Variants in CDYL2 observed in about 807,000 individuals in gnomAD.
CDYL2 encodes the protein chromodomain Y like 2.
In CDYL2, 23 loss-of-function variants were observed where a neutral mutation model predicts 49.4. The ratio of observed to expected loss-of-function variants is 0.47; its 90% CI spans 0.34 to 0.66. The LOEUF (loss-of-function observed/expected upper bound fraction) is 0.66, where lower values mean the gene tolerates loss of function less well. CDYL2 is among the 30% of genes least tolerant of loss of function. The pLI, the probability that CDYL2 is intolerant of heterozygous loss-of-function variation, is 0.01. For missense variants in CDYL2, 678 were observed against 656.4 expected, an observed-to-expected ratio of 1.03 and a Z score of -0.36; for synonymous variants, 360 against 268.8, an observed-to-expected ratio of 1.34 and a Z score of -3.32.
chr16:80,680,168 A>G (rs1156457390), intron 2 of CDYL2, among the ~76,000 whole-genome samples: 1 of 152,234 alleles, frequency 6.6e-6, no homozygotes, highest in Non-Finnish European at 1.5e-5. Flanking sequence ...CAATGGAGAG[A>G]AAATGGCAAA....
intron 1 of CDYL2, among the ~76,000 whole-genome samples, chr16:80,740,317 C>T (rs148914097): frequency 4.8e-4 from 73 of 152,188 alleles, no homozygotes; most frequent in African/African-American, 1.5e-3. Flanking sequence ...TTCACTTCTA[C>T]GGTGGAGGAG....
At chr16:80,741,363 C>A (rs1002014582) in intron 1 of CDYL2, among the ~76,000 whole-genome samples, 2 of 151,516 alleles carry the variant, frequency 1.3e-5, no homozygotes, top group Non-Finnish European at 2.9e-5. Flanking sequence ...AAAATGCACA[C>A]ACACACTTGT....
intron 2 of CDYL2, among the ~76,000 whole-genome samples, chr16:80,665,297 T>G (rs1909214058): frequency 6.6e-6 from 1 of 152,062 alleles, no homozygotes; most frequent in African/African-American, 2.4e-5. Flanking sequence ...CACGTTCATG[T>G]AGGGCACTGC....
At chr16:80,625,788 G>A (rs1305825446) in intron 3 of CDYL2, among the ~76,000 whole-genome samples, 1 of 152,154 alleles carries the variant, frequency 6.6e-6, no homozygotes, top group Non-Finnish European at 1.5e-5. Flanking sequence ...AATTCCAGAA[G>A]GTAGCAGAAT....
chr16:80,619,531 G>A (rs916889481), intron 4 of CDYL2, among the ~76,000 whole-genome samples: 3 of 152,166 alleles, frequency 2.0e-5, no homozygotes, highest in African/African-American at 7.2e-5. Flanking sequence ...CTCTGGATGG[G>A]CTCTGGTGGC....
chr16:80,781,413 G>A (rs1020510086), intron 1 of CDYL2, among the ~76,000 whole-genome samples: 2 of 152,026 alleles, frequency 1.3e-5, no homozygotes, highest in Admixed American at 6.6e-5. Flanking sequence ...AAAATAGGAG[G>A]GAGAGACAGA....
chr16:80,677,567 C>T (rs1229851948), intron 2 of CDYL2, among the ~76,000 whole-genome samples: 2 of 151,614 alleles, frequency 1.3e-5, no homozygotes, highest in African/African-American at 4.8e-5. Flanking sequence ...GAAACCCCGT[C>T]TCTAATAAAA....
At chr16:80,797,255 C>T (rs1907793612) in intron 1 of CDYL2, among the ~76,000 whole-genome samples, 1 of 152,216 alleles carries the variant, frequency 6.6e-6, no homozygotes, top group African/African-American at 2.4e-5. Context: ...ACTCCAAACT[C>T]ACTGTCCTTT....
chr16:80,669,355 T>C (rs548516647), intron 2 of CDYL2, among the ~76,000 whole-genome samples: 8 of 152,064 alleles, frequency 5.3e-5, no homozygotes, highest in African/African-American at 1.7e-4. Context: ...CCACGGACCA[T>C]GGAAAGTGGC....
intron 5 of CDYL2, among the ~76,000 whole-genome samples, chr16:80,611,974 G>T (rs1222513952): frequency 6.6e-6 from 1 of 152,246 alleles, no homozygotes; most frequent in Non-Finnish European, 1.5e-5. Context: ...CTGTAAGATG[G>T]AAATCGCAAT....
chr16:80,779,294 G>T (rs1255124564), intron 1 of CDYL2, among the ~76,000 whole-genome samples: 1 of 151,934 alleles, frequency 6.6e-6, no homozygotes, highest in East Asian at 1.9e-4. Context: ...CCCATTAATG[G>T]TTTTAAAAAT....
intron 1 of CDYL2, among the ~76,000 whole-genome samples, chr16:80,802,248 C>G (rs953445816): frequency 2.2e-4 from 34 of 152,288 alleles, no homozygotes; most frequent in African/African-American, 6.7e-4. Context: ...CTAGTACATC[C>G]TCTTAACACC....
At chr16:80,768,687 T>C (rs1478643506) in intron 1 of CDYL2, among the ~76,000 whole-genome samples, 3 of 152,176 alleles carry the variant, frequency 2.0e-5, no homozygotes, top group Admixed American at 2.0e-4. Context: ...GAGACATAAC[T>C]TCCTGGATGA....
At chr16:80,713,889 G>A (rs531224447) in intron 1 of CDYL2, among the ~76,000 whole-genome samples, 1 of 152,222 alleles carries the variant, frequency 6.6e-6, no homozygotes, top group South Asian at 2.1e-4. Context: ...TGTGCCAACC[G>A]ACAACATAGC....
chr16:80,639,582 C>A, intron 2 of CDYL2: 1 of 430,514 alleles, frequency 2.3e-6, no homozygotes, highest in Non-Finnish European at 4.6e-6. Flanking sequence ...GGATTGTACC[C>A]TCCCCCCTGC....
chr16:80,629,888 C>T (rs1233168273), intron 3 of CDYL2, among the ~76,000 whole-genome samples: 2 of 152,218 alleles, frequency 1.3e-5, no homozygotes, highest in Non-Finnish European at 2.9e-5. Flanking sequence ...ACATTTATTA[C>T]ATACCTCCTA....
At chr16:80,691,674 C>G (rs1322425926) in intron 1 of CDYL2, among the ~76,000 whole-genome samples, 2 of 152,140 alleles carry the variant, frequency 1.3e-5, no homozygotes, top group African/African-American at 4.8e-5. Context: ...CTAAAATGTT[C>G]CCAGTACAAT....
chr16:80,751,289 G>A (rs995613296), intron 1 of CDYL2, among the ~76,000 whole-genome samples: 1 of 152,216 alleles, frequency 6.6e-6, no homozygotes, highest in African/African-American at 2.4e-5. Context: ...AGACATTCAA[G>A]AGCTGCCTTG....
intron 6 of CDYL2, 77 bp from the exon 7 acceptor site, chr16:80,604,623 C>A: frequency 2.7e-6 from 4 of 1,484,902 alleles, no homozygotes; most frequent in Non-Finnish European, 1.9e-6. Context: ...GCCCATGGGG[C>A]ACTGGCCAAC....
Sources: gnomAD v4.1 joint callset for allele counts (sites outside exome capture counted in the v4.1 genomes callset) on GRCh38, gnomAD v4.1.1 for gene constraint, MANE v1.5 for transcripts, NCBI Gene and HGNC (gene_info 2026-07-23, HGNC 2026-07-21) for gene names.